The following ZNF808 variants were observed in gnomAD, a reference collection of about 807,000 sequenced individuals.
ZNF808 encodes zinc finger protein 808.
In ZNF808, 5 loss-of-function variants were observed where a neutral mutation model predicts 8.7. The ratio of observed to expected loss-of-function variants is 0.58; its 90% confidence interval spans 0.30 to 1.21. ZNF808 has a LOEUF of 1.21. Among genes scored for constraint, ZNF808 ranks in the 50% most tolerant of loss-of-function variants. The pLI is 0.07. For missense variants in ZNF808, 1,103 were observed against 1,098.4 expected (o/e 1.00, Z -0.06); for synonymous variants, 380 against 366.0 (o/e 1.04, Z -0.44).
intron 3 of ZNF808, among the ~76,000 whole-genome samples, chr19:52,546,266 C>G (rs1229456759): frequency 6.7e-6 from 1 of 149,784 alleles, no homozygotes; most frequent in South Asian, 2.1e-4. Flanking sequence ...TGGGTCATTG[C>G]AACCTCTGCC....
intron 2 of ZNF808, among the ~76,000 whole-genome samples, chr19:52,540,378 A>AT (rs1280197564): frequency 3.3e-5 from 5 of 152,066 alleles, no homozygotes; most frequent in African/African-American, 7.2e-5. Context: ...TTAGATCTGT[A>AT]TTTTTTAACC....
At chr19:52,558,150 A>G (rs983310161), downstream of ZNF808, among the ~76,000 whole-genome samples, 5 of 147,978 alleles carry the variant, frequency 3.4e-5, no homozygotes, top group African/African-American at 1.3e-4. Context: ...CAGTGGCGCA[A>G]TCTCGGCTCA....
Position 52,554,328 on chromosome 19 carries a change from C to G in ZNF808, c.1412C>G (p.Ala471Gly), listed in dbSNP as rs773362272. 1.9e-6 allele frequency: 3 copies of G among 1,613,844 alleles called. No homozygotes were observed. The African/African-American group carries it at 4.0e-5, about 22-fold the overall frequency. Residue 471 changes from alanine (A) to glycine (G), a missense_variant, in exon 5 of 5, where the codon GCA becomes GGA. Ala to Gly is a moderately conservative substitution (Grantham distance 60). Coordinates refer to ENST00000359798, the MANE Select transcript of ZNF808 (RefSeq NM_001039886.4). ...GCTTTCACGTGTAATTCACAGCTGG[C>G]ACGACATAGAAGAATTCACACTGGA... ...DTAFTCNSQL[A>G]RHRRIHTGEK... is the part of the protein sequence containing the mutation.
At chr19:52,541,312 A>G (rs547881773) in intron 2 of ZNF808, among the ~76,000 whole-genome samples, 3 of 150,708 alleles carry the variant, frequency 2.0e-5, no homozygotes, top group African/African-American at 7.3e-5. Flanking sequence ...GAGATCCAAT[A>G]TTATTCTTTT....
chr19:52,542,580 C>T (rs2123126898), intron 2 of ZNF808, among the ~76,000 whole-genome samples: 1 of 125,704 alleles, frequency 8.0e-6, no homozygotes, highest in South Asian at 2.5e-4. Context: ...ACCAGAAAAT[C>T]TTACAGAGAT....
downstream of ZNF808, among the ~76,000 whole-genome samples, chr19:52,557,347 A>G (rs1235632465): frequency 6.6e-6 from 1 of 151,664 alleles, no homozygotes; most frequent in Non-Finnish European, 1.5e-5. Context: ...TGTCACTGCA[A>G]CGTCTGCCTC....
In ZNF808 at chr19:52,553,768, G is replaced by C; in HGVS notation, c.852G>C (p.Glu284Asp). The C allele has an allele frequency of 6.2e-7, 1 of 1,614,154 alleles. No homozygotes were observed. Among genetic ancestry groups the C allele is most frequent in the Non-Finnish European group, 8.5e-7 (1 of 1,180,024 alleles). ...GCCATCGTAGATGTCACACTGGAGA[G>C]AAACCTTACAAGTGTAAAGAGTGTG... ...LACHRRCHTG[E>D]KPYKCKECGK... Residue 284 changes from glutamate to aspartate, a missense_variant, in exon 5 of 5, where the codon GAG becomes GAC. Transcript: ENST00000359798.
At chr19:52,539,844 C>T (rs988249872) in intron 2 of ZNF808, among the ~76,000 whole-genome samples, 7 of 151,584 alleles carry the variant, frequency 4.6e-5, no homozygotes, top group African/African-American at 1.7e-4. Context: ...TGAGCCGCTG[C>T]GCCCGGCCTT....
At chr19:52,552,182 T>G (rs1051928638) in intron 4 of ZNF808, among the ~76,000 whole-genome samples, 3 of 151,876 alleles carry the variant, frequency 2.0e-5, no homozygotes, top group Non-Finnish European at 4.4e-5. Flanking sequence ...CACGCCTGGC[T>G]ATTTTTTTGT....
At chr19:52,530,362 T>C (rs1412756912) in intron 1 of ZNF808, among the ~76,000 whole-genome samples, 3 of 151,280 alleles carry the variant, frequency 2.0e-5, no homozygotes, top group Non-Finnish European at 4.4e-5. Context: ...TCTCAACCCA[T>C]AGTAGTTTTT....
chr19:52,544,242 C>T (rs750525733), intron 3 of ZNF808, among the ~76,000 whole-genome samples: 6 of 152,146 alleles, frequency 3.9e-5, no homozygotes, highest in Non-Finnish European at 8.8e-5. Context: ...TTACAGCAGC[C>T]TCAAACTCCT....
downstream of ZNF808, among the ~76,000 whole-genome samples, chr19:52,567,815 G>A (rs748873443): frequency 2.0e-5 from 3 of 151,912 alleles, no homozygotes; most frequent in Non-Finnish European, 4.4e-5. Flanking sequence ...TTGAGCCACC[G>A]CGCCCGGCCT....
chr19:52,561,126 C>T (rs190709041), downstream of ZNF808, among the ~76,000 whole-genome samples: 12,145 of 133,042 alleles, frequency 0.091, 624 homozygotes, highest in Middle Eastern at 0.19. Flanking sequence ...CCCAGCTCAG[C>T]CCTTGTATCC....
chr19:52,531,532 A>G (rs1434312499), intron 1 of ZNF808, among the ~76,000 whole-genome samples: 1 of 149,916 alleles, frequency 6.7e-6, no homozygotes, highest in Non-Finnish European at 1.5e-5. Context: ...AGACGTATTC[A>G]CGTGTAGTCA....
At chr19:52,567,427 C>CT (rs1292921599), downstream of ZNF808, among the ~76,000 whole-genome samples, 101 of 135,532 alleles carry the variant, frequency 7.5e-4, no homozygotes, top group African/African-American at 1.9e-3. Flanking sequence ...TTTTTTTTTT[C>CT]TTTTTTTTTT....
chr19:52,530,456 G>A (rs1482945855), intron 1 of ZNF808, among the ~76,000 whole-genome samples: 1 of 151,672 alleles, frequency 6.6e-6, no homozygotes, highest in Non-Finnish European at 1.5e-5. Flanking sequence ...GAGGTCAGGA[G>A]TTCAAGACCA....
At chr19:52,559,678 T>C (rs1187106859), downstream of ZNF808, among the ~76,000 whole-genome samples, 1 of 152,150 alleles carries the variant, frequency 6.6e-6, no homozygotes, top group African/African-American at 2.4e-5. Flanking sequence ...GAATGGAAAG[T>C]GAAGATACAC....
intron 2 of ZNF808, among the ~76,000 whole-genome samples, chr19:52,541,825 G>A (rs2059673493): frequency 1.3e-5 from 2 of 152,040 alleles, no homozygotes; most frequent in African/African-American, 4.8e-5. Context: ...ACAATCCTGT[G>A]TCCAGTTGTC....
intron 2 of ZNF808, among the ~76,000 whole-genome samples, chr19:52,540,969 T>A (rs1430133100): frequency 6.6e-6 from 1 of 152,140 alleles, no homozygotes; most frequent in East Asian, 1.9e-4. Flanking sequence ...TGTTTTTCTT[T>A]GAGATGGAGT....
Sources: gnomAD v4.1 joint callset for allele counts (sites outside exome capture counted in the v4.1 genomes callset) on GRCh38, gnomAD v4.1.1 for gene constraint, MANE v1.5 for transcripts, NCBI Gene and HGNC (gene_info 2026-07-23, HGNC 2026-07-21) for gene names.